Variants in EIF2B5 observed in about 807,000 individuals in gnomAD.
The protein encoded by EIF2B5 is eukaryotic translation initiation factor 2B subunit epsilon, also known as translation initiation factor eIF2B subunit epsilon.
Under a neutral mutation model 87.3 loss-of-function variants are expected in EIF2B5, and 38 were observed. That is an observed-to-expected ratio of 0.44 (90% confidence interval 0.34 to 0.57). The LOEUF is 0.57. EIF2B5 is among the 20% of genes least tolerant of loss of function. The pLI is 0.02. For synonymous variants in EIF2B5, 313 were observed against 339.6 expected (o/e 0.92, Z 0.86); for missense variants, 784 against 909.5 (o/e 0.86, Z 1.78).
rs982756405 is a variant in EIF2B5, at chr3:184,140,893, G to T, written c.1156+163G>T. ...AGGAGGAAACAGGGATTTGAAAACA[G>T]CGATACCTTAATTTGTAGCCTGTGG... On this transcript the variant is annotated intron_variant, in intron 7 of 15. Transcript: ENST00000648915. The T allele has an allele frequency of 8.6e-5, 67 of 778,844 alleles. 2 individuals are homozygous for T. The South Asian group carries it at 1.1e-3, about 12-fold the overall frequency. The allele number at this position is 778,844 out of a possible 1,614,324, so 48.2% of individuals were successfully genotyped here.
chr3:184,142,334 A>C lies in EIF2B5; in HGVS notation c.1400A>C (p.Asp467Ala). 2 of 1,614,128 alleles carry C rather than the reference A, an allele frequency of 1.2e-6. No homozygotes were observed. The highest frequency in any genetic ancestry group is 3.3e-5 in the Admixed American group (2 of 60,010). ...EEDEDDGEFS[D>A]DSGADQEKDK... Reference sequence around the variant, plus strand: ...GATGAAGATGATGGCGAGTTCAGTGATGATTCTGGGGCTGACCAAGAAAAG... The same window carrying C: ...GATGAAGATGATGGCGAGTTCAGTGCTGATTCTGGGGCTGACCAAGAAAAG... Residue 467 changes from aspartate (D) to alanine (A), a missense_variant, in exon 9 of 16, where the codon GAT (aspartate) becomes GCT (alanine). This residue lies in a region of EIF2B5 where 660 missense variants were observed against 789.5 expected (regional missense o/e 0.84). Coordinates refer to ENST00000648915, the MANE Select transcript of EIF2B5 (RefSeq NM_003907.3). The surrounding 1 kb of genome is among the most constrained non-coding windows in gnomAD (Gnocchi z 5.0).
chr3:184,138,334 C>T, intron 5 of EIF2B5, 88 bp downstream of exon 5: 1 of 1,166,212 alleles, frequency 8.6e-7, no homozygotes, highest in Non-Finnish European at 1.3e-6. Flanking sequence ...GGGTATATTT[C>T]TTCTCCCTGT....
At position 184,135,536 on chromosome 3, in the gene EIF2B5, A is replaced by G. The variant is rs1305427208; in HGVS notation, c.151A>G (p.Ser51Gly). 2 of 1,591,524 alleles carry G rather than the reference A, an allele frequency of 1.3e-6. No homozygotes were observed. The highest frequency in any genetic ancestry group is 2.3e-5 in the South Asian group (2 of 87,684). The change falls in exon 1 of 16, where the codon AGC (serine) becomes GGC (glycine). Residue 51 changes from serine (S) to glycine (G), a missense_variant. This residue lies in a region of EIF2B5 where 117 missense variants were observed against 101.0 expected (regional missense o/e 1.16). Coordinates refer to ENST00000648915, the MANE Select transcript of EIF2B5 (RefSeq NM_003907.3). ...CCTACAAGCAGTTCTGGTGGCCGAT[A>G]GCTTCGATCGCCGCTTCTTCCCCAT... ...PPLQAVLVAD[S>G]FDRRFFPISK...
rs759606401 is a variant in EIF2B5, at chr3:184,142,090, G to A, written c.1302+20G>A. 1 of 1,614,116 alleles carries A rather than the reference G, an allele frequency of 6.2e-7. No individual in the cohort carries two copies. Among genetic ancestry groups the A allele is most frequent in the Non-Finnish European group, 8.5e-7 (1 of 1,180,038 alleles). The stretch of plus-strand genomic sequence containing the variant: ...TCCCAGGTGAGACCTGATCTATACT[G>A]TGCACAGGCCCTGAATTGCATGGCA... On this transcript the variant is annotated intron_variant, in intron 8 of 15. Transcript: ENST00000648915. This position sits in a 1 kb window ranked among gnomAD's most constrained non-coding sequence, Gnocchi z 5.0.
intron 5 of EIF2B5, among the ~76,000 whole-genome samples, chr3:184,139,748 T>C (rs766727982): frequency 1.3e-5 from 2 of 151,506 alleles, no homozygotes; most frequent in Admixed American, 6.6e-5. Context: ...CCAAGCGTGG[T>C]GGCTCACGCT....
At chr3:184,136,332 G>A (rs967708319) in intron 1 of EIF2B5, among the ~76,000 whole-genome samples, 1 of 152,222 alleles carries the variant, frequency 6.6e-6, no homozygotes, top group Non-Finnish European at 1.5e-5. Context: ...TTGATTTCCA[G>A]TATTATCCTT....
rs188135586 is a variant in EIF2B5, at chr3:184,137,712, T to G, written c.413T>G (p.Val138Gly). ...YRSLGDVLRD[V>G]DAKALVRSDF... ...TCACTGGGAGATGTCCTCCGTGATG[T>G]TGATGCCAAGGCTTTGGTGCGCTCT... Residue 138 changes from valine (V) to glycine (G), a missense_variant, in exon 3 of 16, where the codon GTT becomes GGT. Val to Gly is a moderately radical substitution (Grantham distance 109, BLOSUM62 -3). Coordinates refer to ENST00000648915, the MANE Select transcript of EIF2B5 (RefSeq NM_003907.3). The G allele has an allele frequency of 1.2e-6, 2 of 1,614,204 alleles. No homozygotes were observed. Among genetic ancestry groups the G allele is most frequent in the Non-Finnish European group, 1.7e-6 (2 of 1,180,040 alleles).
Position 184,142,771 on chromosome 3 carries a change from C to T in EIF2B5, c.1547-8C>T. On this transcript the variant is annotated splice_region_variant and splice_polypyrimidine_tract_variant and intron_variant, in intron 10 of 15. Transcript: ENST00000648915. The surrounding 1 kb of genome is among the most constrained non-coding windows in gnomAD (Gnocchi z 5.0). ...TTTTCTTTTTCCTCACCCATTATGG[C>T]TTCTCAGGACTCAAGATCAACATGG... 6.2e-7 allele frequency: 1 copy of T among 1,612,746 alleles called. No homozygotes were observed. Among genetic ancestry groups the T allele is most frequent in the Non-Finnish European group, 8.5e-7 (1 of 1,179,290 alleles).
chr3:184,143,166 T>C (rs753165602), intron 12 of EIF2B5, 24 bp downstream of exon 12: 2 of 1,606,426 alleles, frequency 1.2e-6, no homozygotes, highest in Non-Finnish European at 1.7e-6. Flanking sequence ...CTCCCTGTTC[T>C]CCTCGGGGTG....
At chr3:184,143,661 G>A (rs1324917334) in intron 13 of EIF2B5, 96 bp downstream of exon 13, 2 of 1,586,246 alleles carry the variant, frequency 1.3e-6, no homozygotes, top group Non-Finnish European at 1.7e-6. Context: ...GTCACTTCTG[G>A]TTCCTTTTTC....
chr3:184,143,273 G>A (rs1484401995), intron 12 of EIF2B5, 131 bp downstream of exon 12: 1 of 1,454,116 alleles, frequency 6.9e-7, no homozygotes, highest in Middle Eastern at 2.0e-4. Context: ...AGTATTTGGA[G>A]CAAGGAGAGC....
intron 7 of EIF2B5, among the ~76,000 whole-genome samples, chr3:184,141,221 C>T (rs964673303): frequency 6.6e-6 from 1 of 152,138 alleles, no homozygotes; most frequent in Non-Finnish European, 1.5e-5. Flanking sequence ...ATTTTGGTTG[C>T]AGGAGTGTGA....
chr3:184,141,006 C>A, intron 7 of EIF2B5: 1 of 516,596 alleles, frequency 1.9e-6, no homozygotes, highest in South Asian at 2.2e-5. Context: ...GTAACAACAT[C>A]TATTTAGCAC....
intron 14 of EIF2B5, 92 bp from the exon 15 acceptor site, chr3:184,144,505 C>T: frequency 8.3e-7 from 1 of 1,200,440 alleles, no homozygotes; most frequent in Non-Finnish European, 1.2e-6. Flanking sequence ...TTGGAGGAGG[C>T]TACTCAGTGC....
At chr3:184,140,828 T>A (rs1270775219) in intron 7 of EIF2B5, 98 bp downstream of exon 7, 2 of 1,386,296 alleles carry the variant, frequency 1.4e-6, no homozygotes, top group Non-Finnish European at 2.0e-6. Flanking sequence ...CAAGGGACAG[T>A]CCCTGGGAAT....
rs142076499 is a variant in EIF2B5, at chr3:184,141,879, C to T, written c.1157-46C>T. On this transcript the variant is annotated intron_variant, in intron 7 of 15. Coordinates refer to ENST00000648915, the MANE Select transcript of EIF2B5 (RefSeq NM_003907.3). The stretch of plus-strand genomic sequence containing the variant: ...GTCCTCTATGAAGGGCTCTGCTCTG[C>T]GGTTGGAACCCTGAGTTACCCAGAG... 5.5e-5 allele frequency: 89 copies of T among 1,612,238 alleles called. 1 individual carries two copies. Among genetic ancestry groups the T allele is most frequent in the East Asian group, 2.7e-4 (12 of 44,802 alleles).
At chr3:184,136,278 T>C (rs1577028462) in intron 1 of EIF2B5, among the ~76,000 whole-genome samples, 1 of 152,240 alleles carries the variant, frequency 6.6e-6, no homozygotes, top group African/African-American at 2.4e-5. Flanking sequence ...GGAAATCTTA[T>C]GGGGAAGAAG....
At chr3:184,136,535 G>A (rs1465035063) in intron 1 of EIF2B5, 77 bp from the exon 2 acceptor site, 4 of 1,561,902 alleles carry the variant, frequency 2.6e-6, no homozygotes, top group Admixed American at 3.3e-5. Context: ...AATACGAATA[G>A]AGGAGTGAAA....
At chr3:184,138,761 A>G (rs6787322) in intron 5 of EIF2B5, 94,840 of 218,354 alleles carry the variant, frequency 0.43, 21,180 homozygotes, top group African/African-American at 0.55. Context: ...TCAGCCTCCC[A>G]GGTTCAAGGG....
Sources: allele counts gnomAD v4.1 joint callset (sites outside exome capture counted in the v4.1 genomes callset), GRCh38; gene constraint gnomAD v4.1.1; regional missense constraint gnomAD v4.1.1; non-coding constraint Gnocchi (gnomAD v3.1); transcripts MANE v1.5; gene names NCBI Gene and HGNC (gene_info 2026-07-23, HGNC 2026-07-21).